The following TNPO2 variants were observed in gnomAD, a reference collection of about 807,000 sequenced individuals.
TNPO2 encodes transportin 2.
In TNPO2, 16 loss-of-function variants were observed where a neutral mutation model predicts 111.1. The observed-to-expected ratio is 0.14, with a 90% confidence interval of 0.10 to 0.22. The LOEUF (loss-of-function observed/expected upper bound fraction) is 0.22. TNPO2 is among the 10% of genes least tolerant of loss of function. TNPO2 has a pLI of 1.00. For missense variants in TNPO2, 530 were observed against 1,173.7 expected (o/e 0.45, Z 8.01); for synonymous variants, 481 against 475.8 (o/e 1.01, Z -0.14).
At chr19:12,712,192 C>T (rs1007845028) in intron 10 of TNPO2, among the ~76,000 whole-genome samples, 37 of 151,328 alleles carry the variant, frequency 2.4e-4, no homozygotes, top group Non-Finnish European at 4.6e-4. Flanking sequence ...CTGTTATGCC[C>T]GGACAGGGCC....
chr19:12,721,221 AGGCGGC>A lies in TNPO2; in HGVS notation c.-13-237_-13-232del, dbSNP rs753895444. 8.9e-6 allele frequency: 12 copies of A among 1,342,004 alleles called. No homozygotes were observed. The highest frequency in any genetic ancestry group is 1.1e-5 in the Non-Finnish European group (12 of 1,049,838). 83.1% of individuals were successfully genotyped at this position (1,342,004 alleles called of 1,614,324 possible). A position where few individuals can be genotyped will look rare whatever the true frequency, so the allele number is the denominator to read the frequency against. ...GAGGGGGGATGTGGAAACGGGCCAC[AGGCGGC>A]GGCGGCGGGGCCCGGCGGATCCTCA... On this transcript the variant is annotated intron_variant, in intron 2 of 25. Coordinates refer to ENST00000425528, the MANE Select transcript of TNPO2 (RefSeq NM_001382241.1). This position sits in a 1 kb window ranked among gnomAD's most constrained non-coding sequence, Gnocchi z 4.9.
chr19:12,699,471 A>AAAAG lies in TNPO2; in HGVS notation c.*1792_*1793insCTTT, dbSNP rs2025179594. On this transcript the variant is annotated 3_prime_UTR_variant, in exon 26 of 26. Coordinates refer to ENST00000425528, the MANE Select transcript of TNPO2 (RefSeq NM_001382241.1). Reference sequence around the variant, plus strand: ...AATTAAATAGTTTTTTTTTAAAAAAAAAAAAAAAAAGGAAAACGAGAAGAA... The same window carrying AAAAG: ...AATTAAATAGTTTTTTTTTAAAAAAAAAAGAAAAAAAAAAGGAAAACGAGAAGAA... 6.4e-6 allele frequency: 1 copy of AAAAG among 155,174 alleles called. No individual in the cohort carries two copies. The highest frequency in any genetic ancestry group is 2.4e-5 in the African/African-American group (1 of 41,222). 9.6% of individuals were successfully genotyped at this position (155,174 alleles called of 1,614,324 possible).
chr19:12,699,304 C>G lies in TNPO2; in HGVS notation c.*1960G>C. 2 of 434,122 alleles carry G rather than the reference C, an allele frequency of 4.6e-6. No individual in the cohort carries two copies. The highest frequency in any genetic ancestry group is 3.3e-5 in the South Asian group (2 of 60,820). 26.9% of individuals were successfully genotyped at this position (434,122 alleles called of 1,614,324 possible). On this transcript the variant is annotated 3_prime_UTR_variant, in exon 26 of 26. Transcript: ENST00000425528. ...CAGCACAGTAACAAATGGACAGACCCGGGAGCCCGCAGGGGGAAGAGGGTG... is the reference window on the plus strand; with the variant it reads ...CAGCACAGTAACAAATGGACAGACCGGGGAGCCCGCAGGGGGAAGAGGGTG...
chr19:12,711,723 A>T, intron 10 of TNPO2, 110 bp from the exon 11 acceptor site: 2 of 861,592 alleles, frequency 2.3e-6, no homozygotes, highest in Non-Finnish European at 3.7e-6. Flanking sequence ...CCAGCCCCCC[A>T]ATCAGCCACA....
Position 12,701,922 on chromosome 19 carries a change from G to A in TNPO2, c.2412-71C>T. 4.8e-6 allele frequency: 7 copies of A among 1,461,374 alleles called. No homozygotes were observed. Among genetic ancestry groups the A allele is most frequent in the Non-Finnish European group, 6.7e-6 (7 of 1,042,976 alleles). 90.5% of individuals were successfully genotyped at this position (1,461,374 alleles called of 1,614,324 possible). Reference sequence around the variant, plus strand: ...GCATCTGTGGAGGGCTGGGTCACTGGGGATCAGTGAGTGGGCCTGGGACAT... The same window carrying A: ...GCATCTGTGGAGGGCTGGGTCACTGAGGATCAGTGAGTGGGCCTGGGACAT... On this transcript the variant is annotated intron_variant, in intron 22 of 25. Transcript: ENST00000425528. The surrounding 1 kb of genome is among the most constrained non-coding windows in gnomAD (Gnocchi z 5.0).
chr19:12,710,433 G>A (rs2025971408), intron 13 of TNPO2, among the ~76,000 whole-genome samples, 188 bp downstream of exon 13: 1 of 152,068 alleles, frequency 6.6e-6, no homozygotes, highest in South Asian at 2.1e-4. Flanking sequence ...TGAACAAGAG[G>A]CCTTGCACTG....
In TNPO2 at chr19:12,701,453, T is replaced by G; in HGVS notation, c.2587A>C (p.Ile863Leu). 1 of 1,613,678 alleles carries G rather than the reference T, an allele frequency of 6.2e-7. No homozygotes were observed. The highest frequency in any genetic ancestry group is 8.5e-7 in the Non-Finnish European group (1 of 1,179,734). The change falls in exon 25 of 26, where the codon ATT becomes CTT. Residue 863 changes from isoleucine to leucine, a missense_variant and splice_region_variant. Transcript: ENST00000425528. The surrounding 1 kb of genome is among the most constrained non-coding windows in gnomAD (Gnocchi z 5.0). Reference protein sequence around the residue: ...KDDLRDMFYKILHGFKDQVGE... With the variant: ...KDDLRDMFYKLLHGFKDQVGE... ...ACTTGGTCTTTGAAGCCGTGGAGAA[T>G]CTGTGGGGAGGGTGGTGGTGAGGGG... is the stretch of plus-strand genomic sequence containing the variant.
chr19:12,710,888 T>C, intron 12 of TNPO2, 115 bp from the exon 13 acceptor site: 1 of 1,130,324 alleles, frequency 8.8e-7, no homozygotes. Context: ...ACGATCAGCT[T>C]CTTTTTTTTT....
rs373243036 is a variant in TNPO2 at position 12,701,101 on chromosome 19, TGGACGGACGGAC to T, written c.*151_*162del. ...CCTGCCAGGAGGGCAAGTGGACGGA[TGGACGGACGGAC>T]GGACGGACGGGGAAGGCATCTGGAT... is the stretch of plus-strand genomic sequence containing the variant. On this transcript the variant is annotated 3_prime_UTR_variant, in exon 26 of 26. Transcript: ENST00000425528. The surrounding 1 kb of genome is among the most constrained non-coding windows in gnomAD (Gnocchi z 5.0). 2.2e-6 allele frequency: 1 copy of T among 451,180 alleles called. No individual in the cohort carries two copies. Among genetic ancestry groups the T allele is most frequent in the Non-Finnish European group, 4.0e-6 (1 of 251,896 alleles). The allele number at this position is 451,180 out of a possible 1,614,324, so 27.9% of individuals were successfully genotyped here.
intron 13 of TNPO2, among the ~76,000 whole-genome samples, chr19:12,709,417 G>A (rs186848925): frequency 2.7e-5 from 4 of 145,766 alleles, no homozygotes; most frequent in Non-Finnish European, 5.9e-5. Context: ...TAAGCGTATT[G>A]TGTGATATAT....
rs56817777 is a variant in TNPO2, at chr19:12,707,479, C to CTTT, written c.1271-687_1271-685dup. 3.3e-4 allele frequency among the ~76,000 whole-genome samples: 25 copies of CTTT among 74,966 alleles called. 1 individual carries two copies. The highest frequency in any genetic ancestry group is 7.5e-4 in the African/African-American group (14 of 18,650). The allele number at this position is 74,966 out of a possible 152,430, so 49.2% of individuals were successfully genotyped here. ...AGTTCTTAAGATGTTTGTGAGTTTT[C>CTTT]TTTTTTTTTTTTTTTTTTTTTTTTT... On this transcript the variant is annotated intron_variant, in intron 13 of 25. Transcript: ENST00000425528.
intron 13 of TNPO2, among the ~76,000 whole-genome samples, chr19:12,709,743 A>G (rs2145533039): frequency 6.8e-6 from 1 of 147,460 alleles, no homozygotes; most frequent in South Asian, 2.1e-4. Context: ...TCAGCCTCCC[A>G]AAGTGCTAGG....
Position 12,705,516 on chromosome 19 carries a change from C to T in TNPO2, c.1839G>A (p.Val613=). 2 of 1,601,534 alleles carry T rather than the reference C, an allele frequency of 1.2e-6. No homozygotes were observed. The highest frequency in any genetic ancestry group is 8.5e-7 in the Non-Finnish European group (1 of 1,174,706). Residue 613 remains valine (V), a synonymous_variant, in exon 17 of 26, where the codon GTG becomes GTA. Transcript: ENST00000425528. This position sits in a 1 kb window ranked among gnomAD's most constrained non-coding sequence, Gnocchi z 7.2. ...CCATGGCCTGAGCCAGTGTCTTCTG[C>T]ACCAGGGTGACACAGCGCTGGTAGA... is the stretch of plus-strand genomic sequence containing the variant. ...EPVYQRCVTL[V]QKTLAQAMMY...
In TNPO2 at chr19:12,700,696, G is replaced by T. The variant is rs947384204; in HGVS notation, c.*568C>A. The T allele has an allele frequency of 3.3e-5, 4 of 121,994 alleles. No individual in the cohort carries two copies. The South Asian group carries it at 1.1e-3, about 34-fold the overall frequency. The allele number at this position is 121,994 out of a possible 1,614,324, so 7.6% of individuals were successfully genotyped here. ...AGTCACCGCCAATTCCGGCAAAACA[G>T]CAGAAGCTTCTTAAACTCTAGATGC... On this transcript the variant is annotated 3_prime_UTR_variant, in exon 26 of 26. Transcript: ENST00000425528.
At chr19:12,712,371 T>G (rs1294362522) in intron 10 of TNPO2, among the ~76,000 whole-genome samples, 2 of 152,100 alleles carry the variant, frequency 1.3e-5, no homozygotes, top group Non-Finnish European at 2.9e-5. Context: ...TAGAGAAGAC[T>G]CTGCTCCTCC....
Position 12,715,212 on chromosome 19 carries a change from C to T in TNPO2, c.648+31G>A, listed in dbSNP as rs374582906. 134 of 1,613,686 alleles carry T rather than the reference C, an allele frequency of 8.3e-5. No individual in the cohort carries two copies. In the African/African-American group the frequency reaches 1.4e-3, roughly 17 times the overall value. ...GTCAGTTGTAGGGGCCCTCAGTCCT[C>T]GCCCTGCCCACCCCCAGCCCAGCGG... is the stretch of plus-strand genomic sequence containing the variant. On this transcript the variant is annotated intron_variant, in intron 8 of 25. Transcript: ENST00000425528. The surrounding 1 kb of genome is among the most constrained non-coding windows in gnomAD (Gnocchi z 7.1).
rs1429863919 is a variant in TNPO2, at chr19:12,699,431, A to G, written c.*1833T>C. 1.3e-5 allele frequency: 2 copies of G among 158,080 alleles called. No individual in the cohort carries two copies. The highest frequency in any genetic ancestry group is 2.8e-5 in the Non-Finnish European group (2 of 70,796). The allele number at this position is 158,080 out of a possible 1,614,324, so 9.8% of individuals were successfully genotyped here. Reference sequence around the variant, plus strand: ...AAACTTCATTGTGCAAAAAACAACCAAAAATAAATTAAAAAATTAAATAGT... The same window carrying G: ...AAACTTCATTGTGCAAAAAACAACCGAAAATAAATTAAAAAATTAAATAGT... On this transcript the variant is annotated 3_prime_UTR_variant, in exon 26 of 26. Coordinates refer to ENST00000425528, the MANE Select transcript of TNPO2 (RefSeq NM_001382241.1).
At chr19:12,722,561 TAAAAAAAAAA>T (rs751028490) in intron 2 of TNPO2, 2 of 40,908 alleles carry the variant, frequency 4.9e-5, no homozygotes, top group Non-Finnish European at 9.9e-5. Context: ...GAGAGAGAAT[TAAAAAAAAAA>T]AAAAAAAAAA....
In TNPO2 at chr19:12,705,585, C is replaced by T. The variant is rs1320282902; in HGVS notation, c.1770G>A (p.Val590=). 1.9e-6 allele frequency: 3 copies of T among 1,602,292 alleles called. No homozygotes were observed. Among genetic ancestry groups the T allele is most frequent in the Non-Finnish European group, 2.6e-6 (3 of 1,174,946 alleles). The part of the protein sequence containing the change: ...LFPLLECLSS[V]ATALQSGFLP... Reference sequence around the variant, plus strand: ...GGAAGCCACTCTGCAGGGCGGTGGCCACCGATGACAGACACTGGCAGGGAG... The same window carrying T: ...GGAAGCCACTCTGCAGGGCGGTGGCTACCGATGACAGACACTGGCAGGGAG... Residue 590 remains valine, a synonymous_variant, in exon 17 of 26, where the codon GTG becomes GTA. Transcript: ENST00000425528. The surrounding 1 kb of genome is among the most constrained non-coding windows in gnomAD (Gnocchi z 7.2).
Sources: allele counts gnomAD v4.1 joint callset (sites outside exome capture counted in the v4.1 genomes callset), GRCh38; gene constraint gnomAD v4.1.1; non-coding constraint Gnocchi (gnomAD v3.1); transcripts MANE v1.5; gene names NCBI Gene and HGNC (gene_info 2026-07-23, HGNC 2026-07-21).